Variants in LRRC37A2 observed in about 807,000 individuals in gnomAD.
The protein encoded by LRRC37A2 is leucine-rich repeat-containing protein 37A2.
In LRRC37A2, 9 loss-of-function variants were observed where a neutral mutation model predicts 68.8. The observed-to-expected ratio is 0.13, with a 90% CI of 0.08 to 0.23. The LOEUF is 0.23. Ranked by LOEUF, LRRC37A2 falls within the 10% of genes least tolerant of loss-of-function variation. LRRC37A2 has a pLI of 1.00. For synonymous variants in LRRC37A2, 63 were observed against 367.6 expected (o/e 0.17, Z 9.48); for missense variants, 168 against 950.4 (o/e 0.18, Z 10.82).
chr17:46,739,102 G>T, the LRRC37A2 span, among the ~76,000 whole-genome samples: 4 of 151,918 alleles, frequency 2.6e-5, no homozygotes, highest in Non-Finnish European at 1.5e-5. Flanking sequence ...AGGCACGGTG[G>T]CTCACACCCG....
chr17:46,827,451 T>G, the LRRC37A2 span, among the ~76,000 whole-genome samples: 2 of 152,128 alleles, frequency 1.3e-5, no homozygotes, highest in African/African-American at 4.8e-5. Context: ...TCTGTGACTA[T>G]GAGGAAAGCT....
the LRRC37A2 span, among the ~76,000 whole-genome samples, chr17:46,905,007 G>T: frequency 6.6e-6 from 1 of 152,094 alleles, no homozygotes; most frequent in Non-Finnish European, 1.5e-5. Context: ...GTCTCCGCTT[G>T]TTCCAAAGCC....
the LRRC37A2 span, among the ~76,000 whole-genome samples, chr17:46,894,708 A>C: frequency 3.3e-5 from 5 of 151,934 alleles, no homozygotes; most frequent in Admixed American, 3.3e-4. Flanking sequence ...TGGAATGACG[A>C]GCTCACTCCC....
chr17:47,014,911 C>G, the LRRC37A2 span, among the ~76,000 whole-genome samples: 1 of 151,596 alleles, frequency 6.6e-6, no homozygotes, highest in South Asian at 2.1e-4. Flanking sequence ...TCATGTGCTG[C>G]AAAATGAAGT....
chr17:46,845,129 G>A, the LRRC37A2 span, among the ~76,000 whole-genome samples: 559 of 152,340 alleles, frequency 3.7e-3, 2 homozygotes, highest in Non-Finnish European at 5.4e-3. Context: ...GATTACAGGC[G>A]TAAGCCACAG....
chr17:46,473,729 CTA>C, the LRRC37A2 span, among the ~76,000 whole-genome samples: 1 of 60,202 alleles, frequency 1.7e-5, no homozygotes, highest in Admixed American at 1.6e-4. Flanking sequence ...AACCCCGTCT[CTA>C]CTAAAAATAC....
the LRRC37A2 span, among the ~76,000 whole-genome samples, chr17:46,655,903 A>G: frequency 9.3e-6 from 1 of 107,270 alleles, no homozygotes; most frequent in Non-Finnish European, 1.8e-5. Flanking sequence ...TTATCTAGAA[A>G]TGAATCTTTA....
the LRRC37A2 span, among the ~76,000 whole-genome samples, chr17:46,785,231 T>C: frequency 2.0e-5 from 3 of 152,222 alleles, no homozygotes; most frequent in Non-Finnish European, 4.4e-5. Context: ...TGTCCTGGGA[T>C]CCAGGTTCTG....
At chr17:46,877,635 G>A in the LRRC37A2 span, among the ~76,000 whole-genome samples, 2 of 152,324 alleles carry the variant, frequency 1.3e-5, no homozygotes, top group East Asian at 1.9e-4. Context: ...TGGCAGTGAC[G>A]TGGCGAGCTC....
the LRRC37A2 span, among the ~76,000 whole-genome samples, chr17:46,715,405 C>T: frequency 6.6e-6 from 1 of 152,160 alleles, no homozygotes; most frequent in Non-Finnish European, 1.5e-5. Flanking sequence ...ATTTAAATAA[C>T]AGCCCTTGAA....
chr17:46,900,311 C>T, the LRRC37A2 span, among the ~76,000 whole-genome samples: 5 of 151,154 alleles, frequency 3.3e-5, no homozygotes, highest in Non-Finnish European at 7.4e-5. Flanking sequence ...AGTGGAGTCG[C>T]ATGATCTTGG....
At chr17:46,746,821 A>C in the LRRC37A2 span, among the ~76,000 whole-genome samples, 1 of 152,188 alleles carries the variant, frequency 6.6e-6, no homozygotes, top group African/African-American at 2.4e-5. Flanking sequence ...TCATCAGTAA[A>C]ATGGGGATAG....
chr17:46,760,138 G>GC, the LRRC37A2 span, among the ~76,000 whole-genome samples: 1 of 152,118 alleles, frequency 6.6e-6, no homozygotes, highest in South Asian at 2.1e-4. Context: ...AGTAGAGTGC[G>GC]CCTGAGTCCT....
At chr17:46,472,944 T>A in the LRRC37A2 span, among the ~76,000 whole-genome samples, 13 of 67,276 alleles carry the variant, frequency 1.9e-4, no homozygotes, top group East Asian at 5.1e-4. Flanking sequence ...ATATATATAT[T>A]GTATAGGGAT....
the LRRC37A2 span, among the ~76,000 whole-genome samples, chr17:47,034,009 C>G: frequency 6.6e-6 from 1 of 152,044 alleles, no homozygotes; most frequent in Admixed American, 6.6e-5. Flanking sequence ...GGACTTGAAC[C>G]AGAAATGGAA....
the LRRC37A2 span, chr17:47,028,207 A>G: frequency 9.8e-7 from 1 of 1,015,472 alleles, no homozygotes; most frequent in Non-Finnish European, 1.5e-6. Context: ...TGTATAAATT[A>G]GAATCATGGC....
At chr17:46,983,414 C>G in the LRRC37A2 span, among the ~76,000 whole-genome samples, 2 of 151,724 alleles carry the variant, frequency 1.3e-5, no homozygotes, top group Admixed American at 1.3e-4. Flanking sequence ...CCTGCCTCAG[C>G]CTCCCGAGTA....
At chr17:46,771,503 GGGGGC>G in the LRRC37A2 span, among the ~76,000 whole-genome samples, 1 of 149,422 alleles carries the variant, frequency 6.7e-6, no homozygotes, top group South Asian at 2.1e-4. Flanking sequence ...CGGGGGCGGC[GGGGGC>G]GGGGCGGGGA....
the LRRC37A2 span, among the ~76,000 whole-genome samples, chr17:46,745,816 T>C: frequency 6.6e-6 from 1 of 152,250 alleles, no homozygotes; most frequent in Non-Finnish European, 1.5e-5. Flanking sequence ...AAAAATACTT[T>C]AAATATAACA....
Sources: gnomAD v4.1 joint callset for allele counts (sites outside exome capture counted in the v4.1 genomes callset) on GRCh38, gnomAD v4.1.1 for gene constraint, MANE v1.5 for transcripts, NCBI Gene and HGNC (gene_info 2026-07-23, HGNC 2026-07-21) for gene names.